The following UBE2E1 variants were observed in gnomAD, a reference collection of about 807,000 sequenced individuals.
UBE2E1 encodes ubiquitin-conjugating enzyme E2 E1.
Under a neutral mutation model 21.4 loss-of-function variants are expected in UBE2E1, and 6 were observed. The ratio of observed to expected loss-of-function variants is 0.28; its 90% CI spans 0.15 to 0.55. The LOEUF (loss-of-function observed/expected upper bound fraction) is 0.55. Among genes scored for constraint, UBE2E1 ranks in the 20% least tolerant of loss-of-function variants. UBE2E1 has a pLI of 0.93. For synonymous variants in UBE2E1, 87 were observed against 82.7 expected, an observed-to-expected ratio of 1.05 and a Z score of -0.28; for missense variants, 142 against 236.5, an observed-to-expected ratio of 0.60 and a Z score of 2.62.
At chr3:23,818,176 A>T (rs904521194) in intron 3 of UBE2E1, among the ~76,000 whole-genome samples, 9 of 152,206 alleles carry the variant, frequency 5.9e-5, no homozygotes, top group Non-Finnish European at 8.8e-5. Context: ...TTGGTGGTGC[A>T]TTAACAGAAA....
At chr3:23,825,716 A>G (rs540776557) in intron 3 of UBE2E1, among the ~76,000 whole-genome samples, 1 of 152,284 alleles carries the variant, frequency 6.6e-6, no homozygotes, top group East Asian at 1.9e-4. Flanking sequence ...TGAGTGGGGT[A>G]GGCCAGTGTG....
At position 23,891,246 on chromosome 3, in the gene UBE2E1, A is replaced by C. The variant is rs1701437206; in HGVS notation, c.*640A>C. The C allele has an allele frequency of 2.6e-5, 4 of 152,374 alleles. No homozygotes were observed. The South Asian group carries it at 8.3e-4, about 32-fold the overall frequency. 9.4% of individuals were successfully genotyped at this position (152,374 alleles called of 1,614,324 possible). ...AGGAGTTGCTCAGTGGATTGGTTCT[A>C]TGTTGTGGACTACTTAAGTCTGCAT... On this transcript the variant is annotated 3_prime_UTR_variant, in exon 6 of 6. Coordinates refer to ENST00000306627, the MANE Select transcript of UBE2E1 (RefSeq NM_003341.5).
chr3:23,865,988 C>T (rs1318574016), intron 3 of UBE2E1, among the ~76,000 whole-genome samples: 1 of 152,116 alleles, frequency 6.6e-6, no homozygotes, highest in African/African-American at 2.4e-5. Context: ...TGTGTGTAGA[C>T]AGCAGGACCA....
rs967937686 is a variant in UBE2E1, at chr3:23,876,631, T to C, written c.204-10936T>C. Reference sequence around the variant, plus strand: ...AAATTCAGTTTTGGGTTTTTTGTTTTTTGTTTCTTGTTTTTGTTTTTTGTC... The same window carrying C: ...AAATTCAGTTTTGGGTTTTTTGTTTCTTGTTTCTTGTTTTTGTTTTTTGTC... On this transcript the variant is annotated intron_variant, in intron 3 of 5. Transcript: ENST00000306627. The surrounding 1 kb of genome is among the most constrained non-coding windows in gnomAD (Gnocchi z 4.3). Among the ~76,000 whole-genome samples, 1 of 152,196 alleles carries C rather than the reference T, an allele frequency of 6.6e-6. No individual in the cohort carries two copies. The highest frequency in any genetic ancestry group is 2.4e-5 in the African/African-American group (1 of 41,454).
Position 23,887,331 on chromosome 3 carries a change from C to T in UBE2E1, c.204-236C>T, listed in dbSNP as rs901428883. Among the ~76,000 whole-genome samples the T allele has an allele frequency of 6.6e-6, 1 of 152,176 alleles. No homozygotes were observed. The highest frequency in any genetic ancestry group is 1.5e-5 in the Non-Finnish European group (1 of 68,040). On this transcript the variant is annotated intron_variant, in intron 3 of 5. Coordinates refer to ENST00000306627, the MANE Select transcript of UBE2E1 (RefSeq NM_003341.5). This position sits in a 1 kb window ranked among gnomAD's most constrained non-coding sequence, Gnocchi z 4.4. Reference sequence around the variant, plus strand: ...TTTGAGAATTGAGGAAAGTTTCCTGCTTATTCGTAGCTAGGTAGGCTTAGA... The same window carrying T: ...TTTGAGAATTGAGGAAAGTTTCCTGTTTATTCGTAGCTAGGTAGGCTTAGA...
chr3:23,879,200 C>T (rs1700982145), intron 3 of UBE2E1: 1 of 887,606 alleles, frequency 1.1e-6, no homozygotes, highest in East Asian at 4.7e-5. Context: ...ATCTAGAGTC[C>T]ACAACAAATA....
chr3:23,844,577 T>C (rs963086021), intron 3 of UBE2E1, among the ~76,000 whole-genome samples: 12 of 152,214 alleles, frequency 7.9e-5, no homozygotes, highest in Non-Finnish European at 1.3e-4. Context: ...AAGGGGATCA[T>C]AGGGCTTACT....
intron 3 of UBE2E1, among the ~76,000 whole-genome samples, chr3:23,860,325 T>C (rs1010133730): frequency 6.6e-6 from 1 of 152,232 alleles, no homozygotes; most frequent in Non-Finnish European, 1.5e-5. Context: ...GACAAATCTT[T>C]AGCGCTCTGG....
In UBE2E1 at chr3:23,813,469, T is replaced by TAA. The variant is rs958610494; in HGVS notation, c.203+1960_203+1961insAA. 7.6e-4 allele frequency among the ~76,000 whole-genome samples: 116 copies of TAA among 152,204 alleles called. 1 individual carries two copies. Among genetic ancestry groups the TAA allele is most frequent in the Non-Finnish European group, 4.4e-5 (3 of 68,034 alleles). On this transcript the variant is annotated intron_variant, in intron 3 of 5. Transcript: ENST00000306627. ...AGTTCGGTTTTACGTTTTGTGCTGT[T>TAA]ACCTTTTGGAATTTAATTATTTAGT...
intron 3 of UBE2E1, among the ~76,000 whole-genome samples, chr3:23,860,579 A>G (rs139456045): frequency 5.7e-4 from 87 of 152,318 alleles, no homozygotes; most frequent in African/African-American, 2.0e-3. Context: ...TGTGCCTTGT[A>G]TCTAAAGCTG....
intron 3 of UBE2E1, among the ~76,000 whole-genome samples, chr3:23,839,636 G>C (rs1700043603): frequency 2.0e-5 from 3 of 151,822 alleles, no homozygotes; most frequent in South Asian, 4.2e-4. Flanking sequence ...CAGGTCTGCT[G>C]GTGACAAATT....
Position 23,888,334 on chromosome 3 carries a change from T to A in UBE2E1, c.336+635T>A, listed in dbSNP as rs72627057. The A allele has an allele frequency of 7.8e-3, 3,526 of 451,874 alleles. 109 individuals are homozygous for A. Among genetic ancestry groups the A allele is most frequent in the East Asian group, 0.049 (704 of 14,268 alleles). 28.0% of individuals were successfully genotyped at this position (451,874 alleles called of 1,614,324 possible). On this transcript the variant is annotated intron_variant, in intron 4 of 5. Transcript: ENST00000306627. Reference sequence around the variant, plus strand: ...TCATTCAGTCAGAAAGAAAACCCCGTCTTGGGGATTAGGTAGACTGCCAGA... The same window carrying A: ...TCATTCAGTCAGAAAGAAAACCCCGACTTGGGGATTAGGTAGACTGCCAGA...
intron 3 of UBE2E1, among the ~76,000 whole-genome samples, chr3:23,847,888 C>A (rs778849864): frequency 6.6e-6 from 1 of 152,072 alleles, no homozygotes; most frequent in Admixed American, 6.6e-5. Context: ...ATTTCCAGCC[C>A]CAAAGGCAAT....
chr3:23,834,420 C>T (rs868741085), intron 3 of UBE2E1, among the ~76,000 whole-genome samples: 1 of 152,198 alleles, frequency 6.6e-6, no homozygotes, highest in African/African-American at 2.4e-5. Context: ...ACTTAAAATT[C>T]CCCCATCTTT....
intron 3 of UBE2E1, among the ~76,000 whole-genome samples, chr3:23,850,127 C>A (rs1047060241): frequency 6.6e-6 from 1 of 152,036 alleles, no homozygotes; most frequent in African/African-American, 2.4e-5. Context: ...AAAATTCAGG[C>A]TTTTTAATGG....
intron 5 of UBE2E1, among the ~76,000 whole-genome samples, chr3:23,890,244 T>C (rs1043480637): frequency 1.3e-5 from 2 of 152,056 alleles, no homozygotes; most frequent in East Asian, 1.9e-4. Flanking sequence ...GAAACTCCAA[T>C]TGAGTGTTGT....
At chr3:23,882,797 C>T (rs377196548) in intron 3 of UBE2E1, among the ~76,000 whole-genome samples, 29 of 152,316 alleles carry the variant, frequency 1.9e-4, no homozygotes, top group East Asian at 1.5e-3. Context: ...CCCCTCACTG[C>T]CTGGGGCCAG....
rs985093684 is a variant in UBE2E1 at position 23,823,937 on chromosome 3, A to AT, written c.203+12433dup. Among the ~76,000 whole-genome samples the AT allele has an allele frequency of 6.6e-6, 1 of 152,178 alleles. No individual in the cohort carries two copies. Among genetic ancestry groups the AT allele is most frequent in the Admixed American group, 6.5e-5 (1 of 15,280 alleles). On this transcript the variant is annotated intron_variant, in intron 3 of 5. Transcript: ENST00000306627. The surrounding 1 kb of genome is among the most constrained non-coding windows in gnomAD (Gnocchi z 4.2). ...ACTGGTAGCCCCCGAAAAGACATTTATTTTTTGTAGCTTGGTATTCTGAGA... is the reference window on the plus strand; with the variant it reads ...ACTGGTAGCCCCCGAAAAGACATTTATTTTTTTGTAGCTTGGTATTCTGAGA...
intron 3 of UBE2E1, among the ~76,000 whole-genome samples, chr3:23,812,442 T>G (rs1699415931): frequency 6.6e-6 from 1 of 152,164 alleles, no homozygotes; most frequent in African/African-American, 2.4e-5. Flanking sequence ...AAGATGAGTG[T>G]GTGGGAATAG....
Sources: gnomAD v4.1 joint callset for allele counts (sites outside exome capture counted in the v4.1 genomes callset) on GRCh38, gnomAD v4.1.1 for gene constraint, Gnocchi (gnomAD v3.1) non-coding constraint, MANE v1.5 for transcripts, NCBI Gene and HGNC (gene_info 2026-07-23, HGNC 2026-07-21) for gene names.